Variants in CNTN4 observed in about 807,000 individuals in gnomAD.
CNTN4 encodes the protein contactin-4.
In CNTN4, 77 loss-of-function variants were observed where a neutral mutation model predicts 122.5. That is an observed-to-expected ratio of 0.63 (90% confidence interval 0.52 to 0.76). CNTN4 has a LOEUF of 0.76. Ranked by LOEUF, CNTN4 falls within the 30% of genes least tolerant of loss-of-function variation. The pLI, the probability that CNTN4 is intolerant of heterozygous loss-of-function variation, is 0.00. For missense variants in CNTN4, 1,256 were observed against 1,259.1 expected, an observed-to-expected ratio of 1.00 and a Z score of 0.04; for synonymous variants, 512 against 447.0, an observed-to-expected ratio of 1.15 and a Z score of -1.83.
intron 2 of CNTN4, among the ~76,000 whole-genome samples, chr3:2,251,445 A>C (rs2040375485): frequency 6.6e-6 from 1 of 151,898 alleles, no homozygotes; most frequent in Non-Finnish European, 1.5e-5. Flanking sequence ...CAGAGTCTGG[A>C]AACAGGGCTT....
At chr3:2,370,161 T>C (rs940109405) in intron 3 of CNTN4, among the ~76,000 whole-genome samples, 2 of 152,204 alleles carry the variant, frequency 1.3e-5, no homozygotes, top group African/African-American at 2.4e-5. Flanking sequence ...ATTCACAGCC[T>C]GAGGCCAGCA....
chr3:2,972,424 G>A (rs1335098321), intron 13 of CNTN4, among the ~76,000 whole-genome samples: 1 of 152,014 alleles, frequency 6.6e-6, no homozygotes, highest in African/African-American at 2.4e-5. Context: ...TGCATGACTT[G>A]ATCTGAAATA....
At chr3:2,244,273 T>C (rs925304045) in intron 2 of CNTN4, among the ~76,000 whole-genome samples, 35 of 152,098 alleles carry the variant, frequency 2.3e-4, no homozygotes, top group African/African-American at 8.4e-4. Flanking sequence ...TCTCAAAATA[T>C]CTTATTATAC....
At chr3:2,866,488 C>T in intron 7 of CNTN4, 1 of 1,303,328 alleles carries the variant, frequency 7.7e-7, no homozygotes, top group Non-Finnish European at 9.8e-7. Context: ...ATGCTTAGCC[C>T]TTGACTTAAA....
chr3:2,552,393 A>G (rs903593543), intron 3 of CNTN4, among the ~76,000 whole-genome samples: 1 of 152,208 alleles, frequency 6.6e-6, no homozygotes, highest in African/African-American at 2.4e-5. Flanking sequence ...AGATACCACC[A>G]GAAACATTTG....
chr3:2,231,196 C>G (rs141222858), intron 2 of CNTN4, among the ~76,000 whole-genome samples: 2 of 151,966 alleles, frequency 1.3e-5, no homozygotes, highest in Non-Finnish European at 2.9e-5. Context: ...TCATTTTTTG[C>G]TCTAAATCTT....
rs9866220 is a variant in CNTN4 at position 2,208,267 on chromosome 3, G to C, written c.-145+107628G>C. ...GCCCAAAACAGCAACATTACCAGAA[G>C]TTTGGAAGAAGTTTATTCTGACCGT... On this transcript the variant is annotated intron_variant, in intron 2 of 24. Transcript: ENST00000418658. Among the ~76,000 whole-genome samples, 89 of 152,202 alleles carry C rather than the reference G, an allele frequency of 5.8e-4. 1 individual carries two copies. The East Asian group carries it at 0.015, about 26-fold the overall frequency.
intron 4 of CNTN4, among the ~76,000 whole-genome samples, chr3:2,672,475 A>G (rs553854436): frequency 6.6e-6 from 1 of 152,138 alleles, no homozygotes; most frequent in Non-Finnish European, 1.5e-5. Flanking sequence ...GTGCAGTATT[A>G]GGGTGGGAGT....
chr3:2,786,947 T>C (rs938950377), intron 6 of CNTN4, among the ~76,000 whole-genome samples: 2 of 152,214 alleles, frequency 1.3e-5, no homozygotes, highest in Non-Finnish European at 1.5e-5. Context: ...CAAATGGTTC[T>C]ATTTTTTATT....
chr3:2,946,987 T>A (rs1478586656), intron 13 of CNTN4, among the ~76,000 whole-genome samples: 1 of 152,120 alleles, frequency 6.6e-6, no homozygotes, highest in Non-Finnish European at 1.5e-5. Context: ...ATTACAGGTA[T>A]GAGCCACTGC....
intron 6 of CNTN4, among the ~76,000 whole-genome samples, chr3:2,804,720 C>T (rs62234191): frequency 0.18 from 26,531 of 150,302 alleles, 2,592 homozygotes; most frequent in East Asian, 0.42. Context: ...CCCAACCACA[C>T]CCACATATTT....
intron 13 of CNTN4, among the ~76,000 whole-genome samples, chr3:2,970,779 T>C (rs951621458): frequency 6.6e-6 from 1 of 151,890 alleles, no homozygotes; most frequent in Admixed American, 6.6e-5. Context: ...ATATGGATCA[T>C]GTACTGTATT....
Position 2,704,660 on chromosome 3 carries a change from C to A in CNTN4, c.56-31555C>A, listed in dbSNP as rs149279335. ...TTGTTCAAAAACAGATTACTATTCC[C>A]ACTCCCATAAAATATGGATTTAGAT... On this transcript the variant is annotated intron_variant, in intron 4 of 24. Coordinates refer to ENST00000418658, the MANE Select transcript of CNTN4 (RefSeq NM_175607.3). Among the ~76,000 whole-genome samples the A allele has an allele frequency of 1.2e-3, 177 of 152,224 alleles. 2 individuals carry two copies. The highest frequency in any genetic ancestry group is 3.8e-3 in the African/African-American group (156 of 41,534).
At chr3:2,218,746 G>T (rs2038949955) in intron 2 of CNTN4, among the ~76,000 whole-genome samples, 1 of 152,182 alleles carries the variant, frequency 6.6e-6, no homozygotes, top group African/African-American at 2.4e-5. Context: ...AAGAAGGATT[G>T]ATTCCAGCCT....
chr3:2,617,020 A>C (rs13075827), intron 4 of CNTN4, among the ~76,000 whole-genome samples: 71,048 of 151,974 alleles, frequency 0.47, 17,234 homozygotes, highest in Middle Eastern at 0.55. Context: ...AAGTGTAAAA[A>C]CCAACACCAT....
chr3:2,348,042 G>A (rs370236152), intron 3 of CNTN4, among the ~76,000 whole-genome samples: 8 of 151,790 alleles, frequency 5.3e-5, no homozygotes, highest in Admixed American at 1.3e-4. Flanking sequence ...CATATAGTTC[G>A]TAATTTTATA....
chr3:2,124,787 A>C (rs1019766694), intron 2 of CNTN4, among the ~76,000 whole-genome samples: 10 of 152,190 alleles, frequency 6.6e-5, no homozygotes, highest in African/African-American at 4.8e-5. Context: ...CCAACAAAAA[A>C]GCAGCTTGAT....
At chr3:2,430,436 A>G (rs931879408) in intron 3 of CNTN4, among the ~76,000 whole-genome samples, 1 of 151,416 alleles carries the variant, frequency 6.6e-6, no homozygotes, top group African/African-American at 2.4e-5. Flanking sequence ...AAAAAAAAAA[A>G]AAAAAGGAAA....
intron 2 of CNTN4, among the ~76,000 whole-genome samples, chr3:2,239,249 C>G (rs943129439): frequency 6.6e-6 from 1 of 152,000 alleles, no homozygotes; most frequent in African/African-American, 2.4e-5. Context: ...GCCGATAATC[C>G]TGTGGCATTA....
Sources: allele counts gnomAD v4.1 joint callset (sites outside exome capture counted in the v4.1 genomes callset), GRCh38; gene constraint gnomAD v4.1.1; transcripts MANE v1.5; gene names NCBI Gene and HGNC (gene_info 2026-07-23, HGNC 2026-07-21).